Variants in FSTL5 observed in about 807,000 individuals in gnomAD.
The protein encoded by FSTL5 is follistatin-related protein 5.
FSTL5 carries 62 observed loss-of-function variants against 89.1 expected under a neutral mutation model. The ratio of observed to expected loss-of-function variants is 0.70; its 90% CI spans 0.57 to 0.86. The LOEUF is 0.86. Ranked by LOEUF, FSTL5 falls within the 40% of genes least tolerant of loss-of-function variation. The pLI is 0.00. For synonymous variants in FSTL5, 383 were observed against 346.2 expected (o/e 1.11, Z -1.18); for missense variants, 1,057 against 1,001.6 (o/e 1.06, Z -0.75).
chr4:162,025,503 A>G (rs912433628), intron 3 of FSTL5, among the ~76,000 whole-genome samples: 1 of 152,112 alleles, frequency 6.6e-6, no homozygotes, highest in East Asian at 1.9e-4. Context: ...TTCAGAGTCT[A>G]AATTCTGGGA....
chr4:161,786,422 G>A (rs1033467333), intron 4 of FSTL5, among the ~76,000 whole-genome samples: 7 of 151,974 alleles, frequency 4.6e-5, no homozygotes, highest in Non-Finnish European at 2.9e-5. Context: ...ATGTCCCTTA[G>A]GTTATCCCAA....
intron 4 of FSTL5, among the ~76,000 whole-genome samples, chr4:161,857,761 C>T (rs1051297761): frequency 1.4e-4 from 22 of 152,262 alleles, no homozygotes; most frequent in Admixed American, 1.2e-3. Context: ...GGAAAGAGTA[C>T]ATTTTTATTG....
At position 161,910,670 on chromosome 4, in the gene FSTL5, G is replaced by A. The variant is rs116789370; in HGVS notation, c.409+9734C>T. On this transcript the variant is annotated intron_variant, in intron 4 of 15. Coordinates refer to ENST00000306100, the MANE Select transcript of FSTL5 (RefSeq NM_020116.5). ...CAGTGGCACTTCTGTCATCTTAATT[G>A]AAATTACCATCATCTCTATATCTCT... Among the ~76,000 whole-genome samples, 909 of 152,110 alleles carry A rather than the reference G, an allele frequency of 6.0e-3. 14 individuals carry two copies. The highest frequency in any genetic ancestry group is 0.02 in the African/African-American group (831 of 41,496).
At chr4:161,462,561 C>T (rs1409065259) in intron 13 of FSTL5, among the ~76,000 whole-genome samples, 1 of 152,096 alleles carries the variant, frequency 6.6e-6, no homozygotes, top group Non-Finnish European at 1.5e-5. Context: ...TGGGAAGTTA[C>T]TAAATTTTTC....
chr4:161,402,524 T>C (rs544983745), intron 15 of FSTL5, among the ~76,000 whole-genome samples: 10 of 152,260 alleles, frequency 6.6e-5, no homozygotes, highest in African/African-American at 2.4e-4. Flanking sequence ...TTCAGTAAGG[T>C]TTGTTTCTGT....
At chr4:161,948,134 G>C (rs963272092) in intron 3 of FSTL5, among the ~76,000 whole-genome samples, 2 of 150,054 alleles carry the variant, frequency 1.3e-5, no homozygotes, top group Non-Finnish European at 3.0e-5. Context: ...AAAAAAAAAA[G>C]CTGCTGGGTG....
At chr4:161,848,056 A>AC (rs1168320541) in intron 4 of FSTL5, among the ~76,000 whole-genome samples, 1 of 150,936 alleles carries the variant, frequency 6.6e-6, no homozygotes, top group Admixed American at 6.6e-5. Context: ...AAAAAAAAAA[A>AC]AAAAAACAAG....
intron 6 of FSTL5, among the ~76,000 whole-genome samples, chr4:161,706,394 A>G (rs970343401): frequency 1.3e-5 from 2 of 152,032 alleles, no homozygotes; most frequent in East Asian, 1.9e-4. Context: ...GAAATAATTT[A>G]TCCTCAATAT....
intron 1 of FSTL5, among the ~76,000 whole-genome samples, chr4:162,132,893 GTTAA>G (rs1344876274): frequency 6.6e-6 from 1 of 152,178 alleles, no homozygotes; most frequent in Non-Finnish European, 1.5e-5. Flanking sequence ...TCGGACCTTT[GTTAA>G]TTATTAGAAA....
chr4:161,831,814 A>G (rs1730855298), intron 4 of FSTL5, among the ~76,000 whole-genome samples: 1 of 151,910 alleles, frequency 6.6e-6, no homozygotes, highest in South Asian at 2.1e-4. Flanking sequence ...ATATACATAT[A>G]TATGCCATTC....
chr4:161,637,503 AT>A (rs1735766478), intron 7 of FSTL5, among the ~76,000 whole-genome samples: 1 of 151,848 alleles, frequency 6.6e-6, no homozygotes, highest in African/African-American at 2.4e-5. Flanking sequence ...GTTTGTTGCC[AT>A]TGCTTTTGGT....
At chr4:161,657,991 A>G (rs1736577432) in intron 6 of FSTL5, among the ~76,000 whole-genome samples, 1 of 152,208 alleles carries the variant, frequency 6.6e-6, no homozygotes, top group South Asian at 2.1e-4. Flanking sequence ...AAATTGGAAA[A>G]TCCTAGTAGA....
chr4:161,576,131 C>T (rs1733199565), intron 8 of FSTL5, among the ~76,000 whole-genome samples: 1 of 152,094 alleles, frequency 6.6e-6, no homozygotes, highest in Non-Finnish European at 1.5e-5. Flanking sequence ...AGGACCTCTT[C>T]AAGGAGAACT....
At chr4:161,779,793 A>ATATG (rs1741577047) in intron 4 of FSTL5, among the ~76,000 whole-genome samples, 2 of 51,754 alleles carry the variant, frequency 3.9e-5, no homozygotes, top group East Asian at 1.2e-3. Flanking sequence ...ATATATATAT[A>ATATG]TATATATATA....
chr4:162,020,640 T>A (rs1737049440), intron 3 of FSTL5, among the ~76,000 whole-genome samples: 1 of 151,968 alleles, frequency 6.6e-6, no homozygotes, highest in Admixed American at 6.6e-5. Flanking sequence ...CAAAGCCAAG[T>A]TTTAAGGTAG....
rs566684126 is a variant in FSTL5, at chr4:162,040,261, G to A, written c.127-6603C>T. Among the ~76,000 whole-genome samples the A allele has an allele frequency of 8.0e-4, 121 of 152,160 alleles. 1 individual carries two copies. Among genetic ancestry groups the A allele is most frequent in the African/African-American group, 2.8e-3 (117 of 41,538 alleles). Reference sequence around the variant, plus strand: ...TAAGGGAGAAGTATAAAATACTGAGGTGTTTTAAAAGATATTGTTAGACCC... The same window carrying A: ...TAAGGGAGAAGTATAAAATACTGAGATGTTTTAAAAGATATTGTTAGACCC... On this transcript the variant is annotated intron_variant, in intron 2 of 15. Coordinates refer to ENST00000306100, the MANE Select transcript of FSTL5 (RefSeq NM_020116.5).
intron 6 of FSTL5, among the ~76,000 whole-genome samples, chr4:161,686,114 AT>A (rs1737701258): frequency 6.6e-6 from 1 of 151,320 alleles, no homozygotes; most frequent in African/African-American, 2.4e-5. Context: ...CCACTTGATC[AT>A]GATGGATTAA....
intron 8 of FSTL5, among the ~76,000 whole-genome samples, chr4:161,579,981 G>T (rs780325739): frequency 1.3e-5 from 2 of 152,052 alleles, no homozygotes; most frequent in Non-Finnish European, 2.9e-5. Flanking sequence ...TATAAGGGCA[G>T]AAGAATTTAA....
intron 1 of FSTL5, among the ~76,000 whole-genome samples, chr4:162,157,158 G>C (rs1009004353): frequency 3.9e-5 from 6 of 152,232 alleles, no homozygotes; most frequent in Admixed American, 1.3e-4. Context: ...GAAAAATAGA[G>C]AATAGGGAAT....
Sources: gnomAD v4.1 joint callset for allele counts (sites outside exome capture counted in the v4.1 genomes callset) on GRCh38, gnomAD v4.1.1 for gene constraint, MANE v1.5 for transcripts, NCBI Gene and HGNC (gene_info 2026-07-23, HGNC 2026-07-21) for gene names.